Variants in PRDM15 observed in about 807,000 individuals in gnomAD.
PRDM15 encodes the protein PR/SET domain 15, also known as PR domain zinc finger protein 15.
PRDM15 carries 64 observed loss-of-function variants against 128.6 expected under a neutral mutation model. The ratio of observed to expected loss-of-function variants is 0.50; its 90% CI spans 0.41 to 0.61. PRDM15 has a LOEUF of 0.61. Among genes scored for constraint, PRDM15 ranks in the 20% least tolerant of loss-of-function variants. The pLI is 0.00. For synonymous variants in PRDM15, 615 were observed against 621.8 expected (o/e 0.99, Z 0.16); for missense variants, 1,242 against 1,569.1 (o/e 0.79, Z 3.52).
chr21:41,859,241 G>C lies in PRDM15; in HGVS notation c.131+351C>G. On this transcript the variant is annotated intron_variant, in intron 3 of 23. Transcript: ENST00000398548. This position sits in a 1 kb window ranked among gnomAD's most constrained non-coding sequence, Gnocchi z 5.3. ...GGCAGGCCAAGACCTGGAATGCAGA[G>C]AGAAGCCAACGAGCAGACCTCCAGC... The C allele has an allele frequency of 1.2e-6, 2 of 1,612,754 alleles. No individual in the cohort carries two copies. Among genetic ancestry groups the C allele is most frequent in the Non-Finnish European group, 1.7e-6 (2 of 1,179,352 alleles).
In PRDM15 at chr21:41,854,850, G is replaced by A. The variant is rs1477526985; in HGVS notation, c.286-32C>T. On this transcript the variant is annotated intron_variant, in intron 4 of 23. Transcript: ENST00000398548. The surrounding 1 kb of genome is among the most constrained non-coding windows in gnomAD (Gnocchi z 4.6). ...GTGAGTCGGCCCATGGAGAAGCCGG[G>A]GAAATGGCTGATTACCCATCTGTGT... 1.3e-6 allele frequency: 2 copies of A among 1,576,270 alleles called. No individual in the cohort carries two copies. Among genetic ancestry groups the A allele is most frequent in the African/African-American group, 2.7e-5 (2 of 74,432 alleles).
At chr21:41,875,630 A>G (rs2064385963) in intron 1 of PRDM15, among the ~76,000 whole-genome samples, 1 of 152,262 alleles carries the variant, frequency 6.6e-6, no homozygotes, top group Non-Finnish European at 1.5e-5. Context: ...GCTCTTCTTA[A>G]GGCCAGAAAG....
rs1352040932 is a variant in PRDM15 at position 41,859,974 on chromosome 21, T to G, written c.38-289A>C. Among the ~76,000 whole-genome samples the G allele has an allele frequency of 2.0e-5, 3 of 152,106 alleles. No individual in the cohort carries two copies. In the East Asian group the frequency reaches 5.8e-4, roughly 29 times the overall value. On this transcript the variant is annotated intron_variant, in intron 2 of 23. Coordinates refer to ENST00000398548, the MANE Select transcript of PRDM15 (RefSeq NM_001040424.3). The surrounding 1 kb of genome is among the most constrained non-coding windows in gnomAD (Gnocchi z 5.3). ...CTCAAATCAAGCACGGTCACCTCCA[T>G]GGTGACGAAGACCAAGACCCTCCCC...
At chr21:41,870,794 G>A (rs2064182975) in intron 1 of PRDM15, 1 of 152,186 alleles carries the variant, frequency 6.6e-6, no homozygotes, top group African/African-American at 2.4e-5. Context: ...AGACTCCCGG[G>A]GTCAGCAAAG....
In PRDM15 at chr21:41,802,733, G is replaced by A. The variant is rs1453229031; in HGVS notation, c.2922C>T (p.Ser974=). The A allele has an allele frequency of 5.6e-6, 9 of 1,614,016 alleles. No homozygotes were observed. Among genetic ancestry groups the A allele is most frequent in the East Asian group, 2.2e-5 (1 of 44,892 alleles). The change falls in exon 23 of 24, where the codon TCC becomes TCT. Residue 974 remains serine (S), a synonymous_variant. Transcript: ENST00000398548. ...TGACCTGCTGAATGCTCTGTACTGC[G>A]GAATTGGTCTCGTCGCCTACACTGC... ...FTGSVGDETN[S]AVQSIQQVVV...
chr21:41,833,455 G>A (rs1356349939), intron 11 of PRDM15, among the ~76,000 whole-genome samples: 1 of 152,214 alleles, frequency 6.6e-6, no homozygotes, highest in Admixed American at 6.5e-5. Context: ...CACTGGGAAT[G>A]GGGAAGGCGT....
At position 41,854,627 on chromosome 21, in the gene PRDM15, C is replaced by T. The variant is rs757074681; in HGVS notation, c.477G>A (p.Ala159=). 2.1e-5 allele frequency: 34 copies of T among 1,613,652 alleles called. 1 individual carries two copies. Among genetic ancestry groups the T allele is most frequent in the South Asian group, 1.5e-4 (14 of 91,090 alleles). Residue 159 remains alanine (A), a synonymous_variant, in exon 5 of 24, where the codon GCG becomes GCA. Transcript: ENST00000398548. The surrounding 1 kb of genome is among the most constrained non-coding windows in gnomAD (Gnocchi z 4.6). ...TGTCCATCTTCTTGGCATAGAAGGC[C>T]GCATACCACACGCGCAGCTCGGTAC... ...PPGTELRVWY[A]AFYAKKMDKP... is the part of the protein sequence containing the mutation.
rs2063530737 is a variant in PRDM15, at chr21:41,854,802, C to G, written c.302G>C (p.Gly101Ala). 1 of 1,601,932 alleles carries G rather than the reference C, an allele frequency of 6.2e-7. No individual in the cohort carries two copies. The highest frequency in any genetic ancestry group is 1.1e-5 in the South Asian group (1 of 90,728). Reference protein sequence around the residue: ...AFPLKVFQKDGHPVCFDTSNE... With the variant: ...AFPLKVFQKDAHPVCFDTSNE... ...GGAGGTGTCGAAGCACACGGGGTGC[C>G]CGTCCTTCTGGAACACCTGAAGGTG... Residue 101 changes from glycine to alanine, a missense_variant, in exon 5 of 24, where the codon GGG becomes GCG. Transcript: ENST00000398548. This position sits in a 1 kb window ranked among gnomAD's most constrained non-coding sequence, Gnocchi z 4.6.
At chr21:41,850,374 C>A (rs2063391745) in intron 5 of PRDM15, among the ~76,000 whole-genome samples, 1 of 149,814 alleles carries the variant, frequency 6.7e-6, no homozygotes, top group Non-Finnish European at 1.5e-5. Context: ...TCTTCGGCTG[C>A]CCCCTCCATC....
chr21:41,840,442 C>CAAAAA (rs35052917), intron 6 of PRDM15, among the ~76,000 whole-genome samples: 1 of 91,148 alleles, frequency 1.1e-5, no homozygotes, highest in Non-Finnish European at 2.2e-5. Context: ...AAGACTGTCT[C>CAAAAA]AAAAAAAAAA....
At chr21:41,835,624 T>C in intron 10 of PRDM15, 100 bp from the exon 11 acceptor site, 2 of 863,334 alleles carry the variant, frequency 2.3e-6, no homozygotes, top group Admixed American at 1.9e-5. Flanking sequence ...CCTGTGTCTG[T>C]TATGACTCTG....
At position 41,835,502 on chromosome 21, in the gene PRDM15, C is replaced by A. The variant is rs760235167; in HGVS notation, c.1301G>T (p.Arg434Leu). 3.1e-6 allele frequency: 5 copies of A among 1,609,888 alleles called. No individual in the cohort carries two copies. The highest frequency in any genetic ancestry group is 4.2e-6 in the Non-Finnish European group (5 of 1,179,684). The change falls in exon 11 of 24, where the codon CGC becomes CTC. Residue 434 changes from arginine to leucine, a missense_variant. Transcript: ENST00000398548. ...GAAGGTCTTCTCACAAGTGCCGCAGCGGTACCTGTACTCGCCGTCCACCTG... is the reference window on the plus strand; with the variant it reads ...GAAGGTCTTCTCACAAGTGCCGCAGAGGTACCTGTACTCGCCGTCCACCTG... ...RNEVDGEYRY[R>L]CGTCEKTFRI...
intron 18 of PRDM15, 107 bp from the exon 19 acceptor site, chr21:41,815,943 G>A: frequency 7.0e-7 from 1 of 1,434,972 alleles, no homozygotes; most frequent in Non-Finnish European, 9.5e-7. Context: ...GTGCGGTACT[G>A]GTGAGGGTGT....
intron 1 of PRDM15, among the ~76,000 whole-genome samples, chr21:41,874,350 G>C (rs1372604233): frequency 6.6e-6 from 1 of 151,774 alleles, no homozygotes; most frequent in East Asian, 1.9e-4. Context: ...GGAGACAAGA[G>C]GCATCCAGAT....
intron 13 of PRDM15, among the ~76,000 whole-genome samples, chr21:41,823,990 T>C (rs1038071439): frequency 1.3e-5 from 2 of 152,184 alleles, no homozygotes; most frequent in Admixed American, 6.5e-5. Flanking sequence ...TGGCGCTGGG[T>C]GGTCCACATG....
intron 1 of PRDM15, chr21:41,867,289 C>T: frequency 6.2e-7 from 1 of 1,609,306 alleles, no homozygotes; most frequent in Non-Finnish European, 8.5e-7. Flanking sequence ...CCTTTCTACT[C>T]TAGCCCTGAC....
chr21:41,855,081 A>G (rs905411729), intron 4 of PRDM15, among the ~76,000 whole-genome samples: 8 of 152,124 alleles, frequency 5.3e-5, no homozygotes, highest in African/African-American at 1.7e-4. Context: ...GGGATACCTG[A>G]GTGTTACTCA....
Position 41,854,624 on chromosome 21 carries a change from G to A in PRDM15, c.480C>T (p.Ala160=). ...PGTELRVWYA[A]FYAKKMDKPM... ...GCTTGTCCATCTTCTTGGCATAGAA[G>A]GCCGCATACCACACGCGCAGCTCGG... Residue 160 remains alanine, a synonymous_variant, in exon 5 of 24, where the codon GCC becomes GCT. Coordinates refer to ENST00000398548, the MANE Select transcript of PRDM15 (RefSeq NM_001040424.3). The surrounding 1 kb of genome is among the most constrained non-coding windows in gnomAD (Gnocchi z 4.6). The A allele has an allele frequency of 1.9e-6, 3 of 1,613,780 alleles. No homozygotes were observed. The highest frequency in any genetic ancestry group is 1.7e-6 in the Non-Finnish European group (2 of 1,179,974).
At chr21:41,807,603 T>TCC (rs755547558) in intron 21 of PRDM15, among the ~76,000 whole-genome samples, 1 of 150,792 alleles carries the variant, frequency 6.6e-6, no homozygotes, top group African/African-American at 2.4e-5. Context: ...ACTTTGCCTC[T>TCC]GTCTACTTCT....
Sources: gnomAD v4.1 joint callset for allele counts (sites outside exome capture counted in the v4.1 genomes callset) on GRCh38, gnomAD v4.1.1 for gene constraint, Gnocchi (gnomAD v3.1) non-coding constraint, MANE v1.5 for transcripts, NCBI Gene and HGNC (gene_info 2026-07-23, HGNC 2026-07-21) for gene names.